The following GPD1L variants were observed in gnomAD, a reference collection of about 807,000 sequenced individuals.
The protein encoded by GPD1L is glycerol-3-phosphate dehydrogenase 1-like protein.
GPD1L carries 17 observed loss-of-function variants against 32.9 expected under a neutral mutation model. That is an observed-to-expected ratio of 0.52 (90% CI 0.35 to 0.78). GPD1L has a LOEUF of 0.78. Ranked by LOEUF, GPD1L falls within the 30% of genes least tolerant of loss-of-function variation. The probability of loss-of-function intolerance (pLI) is 0.01; values close to 1 mark genes in which losing one functional copy is unlikely to be tolerated. For synonymous variants in GPD1L, 187 were observed against 165.9 expected (o/e 1.13, Z -0.98); for missense variants, 361 against 447.8 (o/e 0.81, Z 1.75).
At chr3:32,145,746 A>T (rs1370645435) in intron 4 of GPD1L, among the ~76,000 whole-genome samples, 1 of 152,216 alleles carries the variant, frequency 6.6e-6, no homozygotes, top group Non-Finnish European at 1.5e-5. Context: ...AGCCTGGTGG[A>T]CTGTTTAAAA....
chr3:32,157,506 A>G (rs1002524471), intron 5 of GPD1L, among the ~76,000 whole-genome samples: 7 of 152,172 alleles, frequency 4.6e-5, no homozygotes, highest in African/African-American at 1.4e-4. Context: ...TAGCCCCTGC[A>G]ATCACTGTGT....
intron 2 of GPD1L, among the ~76,000 whole-genome samples, chr3:32,136,441 G>A (rs1434793717): frequency 6.6e-6 from 1 of 152,162 alleles, no homozygotes; most frequent in East Asian, 1.9e-4. Context: ...CCACCCAAAT[G>A]GCATGGATAA....
At chr3:32,143,909 G>A (rs1700784326) in intron 4 of GPD1L, among the ~76,000 whole-genome samples, 1 of 152,162 alleles carries the variant, frequency 6.6e-6, no homozygotes, top group South Asian at 2.1e-4. Flanking sequence ...TTCAGCGTGG[G>A]AGGTGGAGGC....
intron 1 of GPD1L, among the ~76,000 whole-genome samples, chr3:32,112,939 C>T (rs1304196972): frequency 6.6e-6 from 1 of 152,154 alleles, no homozygotes; most frequent in Non-Finnish European, 1.5e-5. Flanking sequence ...AGTAGGTGGA[C>T]TTGAAACCCA....
intron 2 of GPD1L, among the ~76,000 whole-genome samples, chr3:32,132,550 C>T (rs1700600704): frequency 6.6e-6 from 1 of 152,184 alleles, no homozygotes; most frequent in Non-Finnish European, 1.5e-5. Flanking sequence ...CAGTGTTACT[C>T]CTTTCCTCCC....
chr3:32,107,243 AG>A (rs890008568), intron 1 of GPD1L, among the ~76,000 whole-genome samples: 1 of 152,128 alleles, frequency 6.6e-6, no homozygotes, highest in Non-Finnish European at 1.5e-5. Flanking sequence ...CTGCCCTTCA[AG>A]GTGCCCGTCT....
rs1005139319 is a variant in GPD1L at position 32,159,657 on chromosome 3, G to C, written c.942G>C (p.Gln314His). ...TSAEVYRILKQKGLLDKFPLF... is the reference protein window; with the variant it reads ...TSAEVYRILKHKGLLDKFPLF... ...CTGAAGTGTACCGCATCCTCAAACA[G>C]AAGGGACTACTGGACAAGTAAGTCT... Residue 314 changes from glutamine to histidine, a missense_variant, in exon 7 of 8, where the codon CAG (glutamine) becomes CAC (histidine). By Grantham distance (24) the Gln-to-His change is conservative (BLOSUM62 0). Coordinates refer to ENST00000282541, the MANE Select transcript of GPD1L (RefSeq NM_015141.4). 1 of 1,606,116 alleles carries C rather than the reference G, an allele frequency of 6.2e-7. No individual in the cohort carries two copies. The highest frequency in any genetic ancestry group is 8.5e-7 in the Non-Finnish European group (1 of 1,173,094).
chr3:32,137,128 C>T (rs1034374704), intron 2 of GPD1L, among the ~76,000 whole-genome samples: 1 of 152,156 alleles, frequency 6.6e-6, no homozygotes. Flanking sequence ...TGGCCCATTC[C>T]GAATGATGTT....
At position 32,165,931 on chromosome 3, in the gene GPD1L, G is replaced by A. The variant is rs781200890; in HGVS notation, c.*21G>A. On this transcript the variant is annotated 3_prime_UTR_variant, in exon 8 of 8. Coordinates refer to ENST00000282541, the MANE Select transcript of GPD1L (RefSeq NM_015141.4). The stretch of plus-strand genomic sequence containing the variant: ...CATAAAGTGAATCATGCAACGTGTT[G>A]GGGGAAGTTCTGCCTTTCTGATCAA... The A allele has an allele frequency of 1.6e-5, 21 of 1,339,022 alleles. No homozygotes were observed. The Admixed American group carries it at 1.8e-4, about 12-fold the overall frequency. The allele number at this position is 1,339,022 out of a possible 1,614,324, so 82.9% of individuals were successfully genotyped here.
chr3:32,120,025 G>C (rs1223597780), intron 1 of GPD1L, among the ~76,000 whole-genome samples: 1 of 152,130 alleles, frequency 6.6e-6, no homozygotes, highest in Non-Finnish European at 1.5e-5. Flanking sequence ...AAGTGCGAAG[G>C]TTAAAAGTGA....
intron 1 of GPD1L, among the ~76,000 whole-genome samples, chr3:32,115,175 A>G (rs1700309542): frequency 6.6e-6 from 1 of 152,098 alleles, no homozygotes; most frequent in Non-Finnish European, 1.5e-5. Context: ...GTGCTGATTG[A>G]TGCATTTTAT....
Position 32,158,954 on chromosome 3 carries a change from G to A in GPD1L, c.697G>A (p.Gly233Arg), listed in dbSNP as rs1701035626. ...DNTKAAVIRL[G>R]LMEMIAFARI... is the part of the protein sequence containing the mutation. ...CACCAAAGCGGCCGTCATCCGCCTG[G>A]GACTCATGGAAATGATTGCTTTTGC... The change falls in exon 6 of 8, where the codon GGA (glycine) becomes AGA (arginine). Residue 233 changes from glycine (G) to arginine (R), a missense_variant. Transcript: ENST00000282541. The A allele has an allele frequency of 1.2e-6, 2 of 1,614,110 alleles. No homozygotes were observed. The highest frequency in any genetic ancestry group is 1.7e-6 in the Non-Finnish European group (2 of 1,180,022).
intron 1 of GPD1L, among the ~76,000 whole-genome samples, chr3:32,108,186 G>C (rs952804769): frequency 6.6e-6 from 1 of 152,052 alleles, no homozygotes; most frequent in Non-Finnish European, 1.5e-5. Context: ...AGGAGTTTGA[G>C]ACTAGCCTGG....
rs890298759 is a variant in GPD1L, at chr3:32,158,568, A to T, written c.619-308A>T. 1.2e-5 allele frequency: 6 copies of T among 519,566 alleles called. No individual in the cohort carries two copies. In the Middle Eastern group the frequency reaches 1.6e-3, roughly 139 times the overall value. The allele number at this position is 519,566 out of a possible 1,614,324, so 32.2% of individuals were successfully genotyped here. A position where few individuals can be genotyped will look rare whatever the true frequency, so the allele number is the denominator to read the frequency against. On this transcript the variant is annotated intron_variant, in intron 5 of 7. Coordinates refer to ENST00000282541, the MANE Select transcript of GPD1L (RefSeq NM_015141.4). ...TCCATTTAAAACAAAACAAAAAGTA[A>T]AGTAGTTTGTCCAAACATTATTTAA...
rs113764055 is a variant in GPD1L, at chr3:32,140,218, A to T, written c.367-10A>T. 6.0e-5 allele frequency: 97 copies of T among 1,613,938 alleles called. No individual in the cohort carries two copies. The highest frequency in any genetic ancestry group is 1.7e-4 in the Middle Eastern group (1 of 6,004). On this transcript the variant is annotated splice_polypyrimidine_tract_variant and intron_variant, in intron 3 of 7. Coordinates refer to ENST00000282541, the MANE Select transcript of GPD1L (RefSeq NM_015141.4). ...GTTTGTTCTCTCCTAACTTCTTGGC[A>T]TCCTTGTAGGGCATAGACGAGGGCC... is the stretch of plus-strand genomic sequence containing the variant.
At chr3:32,156,954 A>G (rs1210091504) in intron 5 of GPD1L, among the ~76,000 whole-genome samples, 1 of 151,896 alleles carries the variant, frequency 6.6e-6, no homozygotes, top group African/African-American at 2.4e-5. Context: ...AGTCACAGGT[A>G]TTACTGGAAT....
chr3:32,121,927 C>A (rs1252094178), intron 1 of GPD1L, among the ~76,000 whole-genome samples: 1 of 151,600 alleles, frequency 6.6e-6, no homozygotes, highest in Non-Finnish European at 1.5e-5. Flanking sequence ...CGCGCCACCA[C>A]GCCCGGCTAA....
At chr3:32,155,179 G>A (rs978694274) in intron 5 of GPD1L, among the ~76,000 whole-genome samples, 1 of 152,148 alleles carries the variant, frequency 6.6e-6, no homozygotes, top group Non-Finnish European at 1.5e-5. Flanking sequence ...AGGCACAGGG[G>A]ACAGAGCGGG....
intron 1 of GPD1L, among the ~76,000 whole-genome samples, chr3:32,115,425 C>T (rs116761569): frequency 0.09 from 13,765 of 152,238 alleles, 851 homozygotes; most frequent in South Asian, 0.12. Flanking sequence ...CCCCACTGGA[C>T]CCAAGAAGTC....
Sources: gnomAD v4.1 joint callset for allele counts (sites outside exome capture counted in the v4.1 genomes callset) on GRCh38, gnomAD v4.1.1 for gene constraint, MANE v1.5 for transcripts, NCBI Gene and HGNC (gene_info 2026-07-23, HGNC 2026-07-21) for gene names.